Variants in HS1BP3 observed in about 807,000 individuals in gnomAD.
The protein encoded by HS1BP3 is HCLS1 binding protein 3.
HS1BP3 carries 32 observed loss-of-function variants against 33.5 expected under a neutral mutation model. That is an observed-to-expected ratio of 0.95 (90% confidence interval 0.72 to 1.28). HS1BP3 has a LOEUF of 1.28. Among genes scored for constraint, HS1BP3 ranks in the 50% most tolerant of loss-of-function variants. The pLI, the probability that HS1BP3 is intolerant of heterozygous loss-of-function variation, is 0.00. For missense variants in HS1BP3, 486 were observed against 502.3 expected, an observed-to-expected ratio of 0.97 and a Z score of 0.31; for synonymous variants, 187 against 209.2, an observed-to-expected ratio of 0.89 and a Z score of 0.92.
chr2:20,623,940 G>A lies in HS1BP3; in HGVS notation c.876C>T (p.Pro292=). 6.2e-7 allele frequency: 1 copy of A among 1,612,500 alleles called. No homozygotes were observed. The highest frequency in any genetic ancestry group is 8.5e-7 in the Non-Finnish European group (1 of 1,179,912). ...LLPAACESGG[P]TPSLSHRDAS... The stretch of plus-strand genomic sequence containing the variant: ...CGTCCCTGTGGCTGAGGCTGGGTGT[G>A]GGCCCTCCACTCTCACAGGCGGCTG... The change falls in exon 6 of 7, where the codon CCC becomes CCT. Residue 292 remains proline, a synonymous_variant. Transcript: ENST00000304031.
chr2:20,650,604 C>T (rs1430031088), intron 1 of HS1BP3, among the ~76,000 whole-genome samples: 1 of 152,226 alleles, frequency 6.6e-6, no homozygotes, highest in Non-Finnish European at 1.5e-5. Context: ...TCCGCTGCAG[C>T]CCCCTGCAGG....
chr2:20,554,041 C>T, the HS1BP3 span, among the ~76,000 whole-genome samples: 8 of 152,066 alleles, frequency 5.3e-5, no homozygotes, highest in Admixed American at 1.3e-4. Flanking sequence ...TAATTCCCAC[C>T]GAGTGATGTC....
Position 20,645,475 on chromosome 2 carries a change from G to A in HS1BP3, c.63C>T (p.Asp21=), listed in dbSNP as rs1310783274. 6.2e-7 allele frequency: 1 copy of A among 1,613,568 alleles called. No homozygotes were observed. Among genetic ancestry groups the A allele is most frequent in the African/African-American group, 1.3e-5 (1 of 74,924 alleles). ...CCTCCTGGTGCTGGGGCACAGTCAG[G>A]TCGAGGCCAGTGTGGGCATTCTGAA... ...RRLQNAHTGL[D]LTVPQHQEVR... is the part of the protein sequence containing the mutation. Residue 21 remains aspartate (D), a synonymous_variant, in exon 2 of 7, where the codon GAC becomes GAT. Coordinates refer to ENST00000304031, the MANE Select transcript of HS1BP3 (RefSeq NM_022460.4).
rs1695242819 is a variant in HS1BP3 at position 20,638,656 on chromosome 2, T to C, written c.407-4A>G. 3.7e-6 allele frequency: 6 copies of C among 1,610,760 alleles called. No individual in the cohort carries two copies. The East Asian group carries it at 6.7e-5, about 18-fold the overall frequency. On this transcript the variant is annotated splice_region_variant and splice_polypyrimidine_tract_variant and intron_variant, in intron 3 of 6. Coordinates refer to ENST00000304031, the MANE Select transcript of HS1BP3 (RefSeq NM_022460.4). ...GCAGCCCCTGGGGATCTGGTACCTG[T>C]GGAGGAAGACAGAAAAGAATGGACT... is the stretch of plus-strand genomic sequence containing the variant.
chr2:20,614,548 C>G (rs779225156), downstream of HS1BP3, among the ~76,000 whole-genome samples: 5 of 152,194 alleles, frequency 3.3e-5, no homozygotes, highest in Non-Finnish European at 7.3e-5. Flanking sequence ...GCTTTAATGG[C>G]TCAAGTTTTT....
At position 20,568,723 on chromosome 2, in the gene HS1BP3, C is replaced by T. The variant is rs77705504; in HGVS notation, c.303-8208G>A. ...AGGCCACATCCCATTCCACACTCAC[C>T]GTGATAGGCCAGGCCCTGTGTTGGG... is the stretch of plus-strand genomic sequence containing the variant. On this transcript the variant is annotated intron_variant, in intron 5 of 5. Transcript: ENST00000446825. 1.4e-3 allele frequency among the ~76,000 whole-genome samples: 206 copies of T among 152,248 alleles called. 5 individuals are homozygous for T. In the East Asian group the frequency reaches 0.036, roughly 26 times the overall value.
At chr2:20,564,955 G>C (rs1693090175) in intron 5 of HS1BP3, among the ~76,000 whole-genome samples, 2 of 152,234 alleles carry the variant, frequency 1.3e-5, no homozygotes, top group Admixed American at 1.3e-4. Flanking sequence ...CTGCATGGCA[G>C]ACAAGTAGGC....
At chr2:20,626,270 G>A (rs1694781977) in intron 4 of HS1BP3, among the ~76,000 whole-genome samples, 1 of 152,260 alleles carries the variant, frequency 6.6e-6, no homozygotes, top group Admixed American at 6.5e-5. Flanking sequence ...GCCGAGGCGA[G>A]GAGAAACTAT....
chr2:20,577,667 G>C (rs1485881007), intron 5 of HS1BP3, among the ~76,000 whole-genome samples: 2 of 152,176 alleles, frequency 1.3e-5, no homozygotes, highest in African/African-American at 4.8e-5. Context: ...AGGGAGAGAG[G>C]GTCCAGAGAT....
chr2:20,633,881 C>T (rs1695040649), intron 4 of HS1BP3, among the ~76,000 whole-genome samples: 1 of 152,270 alleles, frequency 6.6e-6, no homozygotes, highest in East Asian at 1.9e-4. Flanking sequence ...GCTGTGATCA[C>T]TGTGACAGCC....
chr2:20,617,439 C>G (rs1572336221), downstream of HS1BP3, among the ~76,000 whole-genome samples: 2 of 152,268 alleles, frequency 1.3e-5, no homozygotes, highest in South Asian at 4.1e-4. Context: ...CTCTCGACCC[C>G]AAAACCACCT....
At chr2:20,568,325 C>A (rs1412122250) in intron 5 of HS1BP3, among the ~76,000 whole-genome samples, 1 of 152,102 alleles carries the variant, frequency 6.6e-6, no homozygotes, top group East Asian at 1.9e-4. Context: ...AAAGGAGCAG[C>A]AAGTGCAGAA....
At chr2:20,634,304 A>G (rs1695055330) in intron 4 of HS1BP3, among the ~76,000 whole-genome samples, 1 of 152,252 alleles carries the variant, frequency 6.6e-6, no homozygotes. Flanking sequence ...AGCTTGCGGA[A>G]GAACCAACTC....
intron 5 of HS1BP3, among the ~76,000 whole-genome samples, chr2:20,579,152 C>T (rs933787313): frequency 6.6e-6 from 1 of 152,214 alleles, no homozygotes; most frequent in African/African-American, 2.4e-5. Flanking sequence ...TGAGGCTGGG[C>T]GGCCACCAGA....
the HS1BP3 span, among the ~76,000 whole-genome samples, chr2:20,555,018 C>T: frequency 4.6e-5 from 7 of 152,206 alleles, no homozygotes; most frequent in Non-Finnish European, 7.3e-5. Flanking sequence ...TGCATTCACA[C>T]ACCCTTTCCC....
chr2:20,640,819 G>T, intron 3 of HS1BP3, 154 bp downstream of exon 3: 1 of 721,548 alleles, frequency 1.4e-6, no homozygotes, highest in Non-Finnish European at 2.4e-6. Context: ...CCACCATCCA[G>T]CCAAGGATGT....
At chr2:20,555,013 T>C in the HS1BP3 span, among the ~76,000 whole-genome samples, 1,207 of 152,288 alleles carry the variant, frequency 7.9e-3, 23 homozygotes, top group African/African-American at 0.027. Context: ...TCCTGTGCAT[T>C]CACACACCCT....
At chr2:20,641,274 A>G in intron 2 of HS1BP3, 94 bp from the exon 3 acceptor site, 1 of 1,175,264 alleles carries the variant, frequency 8.5e-7, no homozygotes, top group Non-Finnish European at 1.2e-6. Flanking sequence ...CCCAGCAGCC[A>G]AAGGAAGTGT....
chr2:20,589,824 C>T (rs949554107), downstream of HS1BP3, among the ~76,000 whole-genome samples: 1 of 151,924 alleles, frequency 6.6e-6, no homozygotes, highest in Admixed American at 6.6e-5. Context: ...GGAGACTCCT[C>T]ACAGCTGGGG....
Sources: gnomAD v4.1 joint callset for allele counts (sites outside exome capture counted in the v4.1 genomes callset) on GRCh38, gnomAD v4.1.1 for gene constraint, MANE v1.5 for transcripts, NCBI Gene and HGNC (gene_info 2026-07-23, HGNC 2026-07-21) for gene names.